The following SLC12A6 variants were observed in gnomAD, a reference collection of about 807,000 sequenced individuals.
SLC12A6 encodes solute carrier family 12 member 6.
In SLC12A6, 66 loss-of-function variants were observed where a neutral mutation model predicts 135.3. The ratio of observed to expected loss-of-function variants is 0.49; its 90% CI spans 0.40 to 0.60. The LOEUF (loss-of-function observed/expected upper bound fraction) is 0.60, where lower values mean the gene tolerates loss of function less well. Ranked by LOEUF, SLC12A6 falls within the 20% of genes least tolerant of loss-of-function variation. The pLI is 0.00. For missense variants in SLC12A6, 1,058 were observed against 1,452.3 expected (o/e 0.73, Z 4.41); for synonymous variants, 513 against 508.8 (o/e 1.01, Z -0.11).
rs751420584 is a variant in SLC12A6 at position 34,251,022 on chromosome 15, T to A, written c.1369A>T (p.Ile457Phe). ...GATTTGGCTGAAGGCTTTTCGATGA[T>A]CTCTCCCTTGGGTAGGTAATTACTC... ...LWSNYLPKGE[I>F]IEKPSAKSSD... The change falls in exon 11 of 26, where the codon ATC becomes TTC. Residue 457 changes from isoleucine to phenylalanine, a missense_variant. Physicochemically the swap from Ile to Phe is conservative, Grantham distance 21 (BLOSUM62 0). This residue lies in a region of SLC12A6 where 297 missense variants were observed against 318.5 expected (regional missense o/e 0.93). Coordinates refer to ENST00000354181, the MANE Select transcript of SLC12A6 (RefSeq NM_001365088.1). 4.8e-5 allele frequency: 77 copies of A among 1,611,610 alleles called. No homozygotes were observed. The highest frequency in any genetic ancestry group is 6.0e-5 in the Non-Finnish European group (71 of 1,178,028).
chr15:34,321,366 G>A (rs1889078762), intron 2 of SLC12A6, among the ~76,000 whole-genome samples: 3 of 152,206 alleles, frequency 2.0e-5, no homozygotes, highest in South Asian at 4.1e-4. Flanking sequence ...GGTGTGTGAT[G>A]TGCATGGAGA....
chr15:34,295,731 G>A (rs544343469), intron 2 of SLC12A6, among the ~76,000 whole-genome samples: 19 of 152,278 alleles, frequency 1.2e-4, no homozygotes, highest in African/African-American at 3.6e-4. Flanking sequence ...GGGTGCGGTG[G>A]CTCACACCTG....
At chr15:34,248,591 CAT>C (rs1021105481) in intron 13 of SLC12A6, among the ~76,000 whole-genome samples, 3 of 139,168 alleles carry the variant, frequency 2.2e-5, no homozygotes, top group Non-Finnish European at 4.8e-5. Flanking sequence ...CACACACACA[CAT>C]ATACTGTGTT....
intron 2 of SLC12A6, among the ~76,000 whole-genome samples, chr15:34,311,596 T>C (rs1433169093): frequency 1.3e-5 from 2 of 152,206 alleles, no homozygotes; most frequent in Non-Finnish European, 2.9e-5. Flanking sequence ...AATTTATAAG[T>C]TGAACATTGG....
intron 2 of SLC12A6, among the ~76,000 whole-genome samples, chr15:34,314,310 G>C (rs558226721): frequency 6.6e-6 from 1 of 152,182 alleles, no homozygotes. Flanking sequence ...GCCTCCCAAA[G>C]TGCTGGGATT....
At chr15:34,337,956 T>G (rs1890307887), upstream of SLC12A6, 1 of 151,680 alleles carries the variant, frequency 6.6e-6, no homozygotes, top group African/African-American at 2.4e-5. Context: ...TCATTCGAGG[T>G]GAACCTTGCG....
chr15:34,290,848 A>C (rs1895467159), intron 2 of SLC12A6, among the ~76,000 whole-genome samples: 2 of 151,900 alleles, frequency 1.3e-5, no homozygotes, highest in Admixed American at 1.3e-4. Context: ...ATCTTCCTCC[A>C]TCCCTTTATT....
rs535771431 is a variant in SLC12A6, at chr15:34,291,963, G to A, written c.272-16574C>T. On this transcript the variant is annotated intron_variant, in intron 2 of 25. Coordinates refer to ENST00000354181, the MANE Select transcript of SLC12A6 (RefSeq NM_001365088.1). ...TAGCTCGGAGAAGTTTGTTATTACC[G>A]ACCTTCTGAAGCCTACTTCTGTCAA... Among the ~76,000 whole-genome samples, 153 of 152,052 alleles carry A rather than the reference G, an allele frequency of 1.0e-3. 2 individuals are homozygous for A. The highest frequency in any genetic ancestry group is 3.0e-3 in the African/African-American group (126 of 41,474).
intron 2 of SLC12A6, among the ~76,000 whole-genome samples, chr15:34,324,988 A>G (rs1232116826): frequency 6.6e-6 from 1 of 152,228 alleles, no homozygotes; most frequent in African/African-American, 2.4e-5. Context: ...GATTTGACAG[A>G]CATAAATTTG....
chr15:34,256,188 C>A, intron 7 of SLC12A6, 41 bp downstream of exon 7: 1 of 1,285,472 alleles, frequency 7.8e-7, no homozygotes, highest in South Asian at 1.2e-5. Context: ...AACACAGAGT[C>A]AACACTGATA....
Position 34,262,321 on chromosome 15 carries a change from C to T in SLC12A6, c.317-1301G>A, listed in dbSNP as rs530412435. ...CTCCCCTATTCTGAGCCCATAAAGG[C>T]CCCAGCCCCAGCCCCAATGAGAGAG... On this transcript the variant is annotated intron_variant, in intron 3 of 25. Coordinates refer to ENST00000354181, the MANE Select transcript of SLC12A6 (RefSeq NM_001365088.1). Among the ~76,000 whole-genome samples the T allele has an allele frequency of 7.9e-5, 12 of 152,234 alleles. No individual in the cohort carries two copies. The East Asian group carries it at 1.7e-3, about 22-fold the overall frequency.
chr15:34,265,934 T>C (rs532852816), intron 3 of SLC12A6, among the ~76,000 whole-genome samples: 2 of 150,962 alleles, frequency 1.3e-5, no homozygotes, highest in East Asian at 2.0e-4. Flanking sequence ...AGTTAATGGA[T>C]AGATTTTCCA....
intron 18 of SLC12A6, 124 bp downstream of exon 18, chr15:34,241,109 T>C: frequency 5.6e-6 from 4 of 720,016 alleles, no homozygotes; most frequent in Non-Finnish European, 7.7e-6. Context: ...TTTAGAATAG[T>C]TCAAAACAGG....
chr15:34,320,550 G>A lies in SLC12A6; in HGVS notation c.271+15860C>T, dbSNP rs146871467. On this transcript the variant is annotated intron_variant, in intron 2 of 25. Transcript: ENST00000354181. ...AAGGTAAATATAAAAGCACAATCACGTTGATAACTGATTTATGCTAGCAAG... is the reference window on the plus strand; with the variant it reads ...AAGGTAAATATAAAAGCACAATCACATTGATAACTGATTTATGCTAGCAAG... Among the ~76,000 whole-genome samples the A allele has an allele frequency of 1.2e-3, 188 of 151,950 alleles. 1 individual carries two copies. In the Middle Eastern group the frequency reaches 0.017, roughly 14 times the overall value.
intron 2 of SLC12A6, among the ~76,000 whole-genome samples, chr15:34,330,197 C>T (rs1566876470): frequency 6.6e-6 from 1 of 152,106 alleles, no homozygotes; most frequent in Non-Finnish European, 1.5e-5. Context: ...TTATCTGTAA[C>T]AGCTTTCCCT....
chr15:34,240,097 C>G (rs1461166437), intron 19 of SLC12A6, among the ~76,000 whole-genome samples: 20 of 151,888 alleles, frequency 1.3e-4, no homozygotes, highest in Admixed American at 1.2e-3. Flanking sequence ...TATCCTTCCC[C>G]CCTCCCCCCA....
In SLC12A6 at chr15:34,236,250, T is replaced by C. The variant is rs185816466; in HGVS notation, c.3043-51A>G. The C allele has an allele frequency of 3.2e-5, 45 of 1,386,984 alleles. No individual in the cohort carries two copies. In the African/African-American group the frequency reaches 6.2e-4, roughly 19 times the overall value. The allele number at this position is 1,386,984 out of a possible 1,614,324, so 85.9% of individuals were successfully genotyped here. The stretch of plus-strand genomic sequence containing the variant: ...TATTCTACCAAATTTTCTCTTATGC[T>C]TCATCTTTGGTTATTTTGAAGCAGT... On this transcript the variant is annotated intron_variant, in intron 23 of 25. Transcript: ENST00000354181.
At chr15:34,288,851 C>A (rs1202117269) in intron 2 of SLC12A6, among the ~76,000 whole-genome samples, 1 of 152,164 alleles carries the variant, frequency 6.6e-6, no homozygotes, top group Non-Finnish European at 1.5e-5. Flanking sequence ...TGAGACTTTG[C>A]TGAAGTTGCT....
chr15:34,302,407 A>C (rs898295002), intron 2 of SLC12A6, among the ~76,000 whole-genome samples: 5 of 152,188 alleles, frequency 3.3e-5, no homozygotes, highest in African/African-American at 1.2e-4. Context: ...AAAGAAGATT[A>C]TGGGCTAGCC....
Sources: allele counts gnomAD v4.1 joint callset (sites outside exome capture counted in the v4.1 genomes callset), GRCh38; gene constraint gnomAD v4.1.1; regional missense constraint gnomAD v4.1.1; transcripts MANE v1.5; gene names NCBI Gene and HGNC (gene_info 2026-07-23, HGNC 2026-07-21).